Variants in SHISA9 observed in about 807,000 individuals in gnomAD.
The protein encoded by SHISA9 is protein shisa-9.
A neutral mutation model predicts 38.0 loss-of-function variants in SHISA9; 13 were observed. The observed-to-expected ratio is 0.34, with a 90% confidence interval of 0.22 to 0.54. The LOEUF is 0.54. Ranked by LOEUF, SHISA9 falls within the 20% of genes least tolerant of loss-of-function variation. SHISA9 has a pLI of 0.91. For missense variants in SHISA9, 538 were observed against 575.8 expected (o/e 0.93, Z 0.67); for synonymous variants, 275 against 242.0 (o/e 1.14, Z -1.27).
intron 2 of SHISA9, among the ~76,000 whole-genome samples, chr16:12,938,893 A>G (rs1021694420): frequency 9.9e-5 from 15 of 152,146 alleles, no homozygotes; most frequent in Non-Finnish European, 2.1e-4. Flanking sequence ...ACTAGATTGA[A>G]AACACATTGA....
intron 2 of SHISA9, among the ~76,000 whole-genome samples, chr16:13,043,910 A>G (rs1310060502): frequency 6.6e-6 from 1 of 152,002 alleles, no homozygotes; most frequent in African/African-American, 2.4e-5. Flanking sequence ...GCTTCACTTT[A>G]TTATGCTTCT....
the SHISA9 span, among the ~76,000 whole-genome samples, chr16:13,518,637 T>C: frequency 2.0e-5 from 3 of 152,084 alleles, no homozygotes; most frequent in African/African-American, 7.2e-5. Context: ...TTCCTCTCTC[T>C]CCCCAGGATG....
At chr16:13,484,815 C>T in the SHISA9 span, among the ~76,000 whole-genome samples, 4 of 151,996 alleles carry the variant, frequency 2.6e-5, no homozygotes, top group African/African-American at 7.3e-5. Flanking sequence ...ACCAGATCTC[C>T]GGAGAACTCA....
At chr16:13,168,493 C>T (rs1217080628) in intron 2 of SHISA9, among the ~76,000 whole-genome samples, 2 of 152,168 alleles carry the variant, frequency 1.3e-5, no homozygotes, top group African/African-American at 4.8e-5. Flanking sequence ...TCCATGTCTA[C>T]CAGCAAGGGA....
chr16:13,386,738 G>A, the SHISA9 span, among the ~76,000 whole-genome samples: 1 of 152,116 alleles, frequency 6.6e-6, no homozygotes, highest in Admixed American at 6.5e-5. Flanking sequence ...GCAGCAATAT[G>A]TTTTAGATTC....
At chr16:13,021,335 T>C (rs529367864) in intron 2 of SHISA9, among the ~76,000 whole-genome samples, 1 of 152,226 alleles carries the variant, frequency 6.6e-6, no homozygotes, top group South Asian at 2.1e-4. Flanking sequence ...CCAATACTCA[T>C]GAACAGTGAG....
intron 2 of SHISA9, among the ~76,000 whole-genome samples, chr16:12,939,769 C>T (rs1398438282): frequency 1.3e-5 from 2 of 152,218 alleles, no homozygotes; most frequent in African/African-American, 4.8e-5. Context: ...TGTGATTCAG[C>T]ATCTGGCATA....
chr16:13,156,810 T>C (rs74012292), intron 2 of SHISA9, among the ~76,000 whole-genome samples: 15 of 152,232 alleles, frequency 9.9e-5, no homozygotes, highest in African/African-American at 3.4e-4. Context: ...CGGGATTACA[T>C]TGTTACACCA....
intron 2 of SHISA9, among the ~76,000 whole-genome samples, chr16:13,117,137 G>A (rs757986465): frequency 3.3e-5 from 5 of 152,116 alleles, no homozygotes; most frequent in African/African-American, 4.8e-5. Flanking sequence ...CACCACGCCC[G>A]GCTAATTTTT....
chr16:13,330,170 C>T, the SHISA9 span, among the ~76,000 whole-genome samples: 2 of 152,292 alleles, frequency 1.3e-5, no homozygotes, highest in South Asian at 4.1e-4. Context: ...GCAAGTTCAT[C>T]GACTTTCTGT....
chr16:13,120,651 C>T (rs1374258152), intron 2 of SHISA9, among the ~76,000 whole-genome samples: 2 of 151,992 alleles, frequency 1.3e-5, no homozygotes, highest in African/African-American at 4.8e-5. Flanking sequence ...GAGAAATAGC[C>T]CTGGAAGGTT....
intron 2 of SHISA9, among the ~76,000 whole-genome samples, chr16:13,027,940 A>AAC (rs2072944878): frequency 1.3e-5 from 2 of 151,034 alleles, no homozygotes; most frequent in African/African-American, 4.8e-5. Flanking sequence ...AAACAAAAAA[A>AAC]AAAAAAAAAA....
chr16:13,525,354 C>T, the SHISA9 span, among the ~76,000 whole-genome samples: 3 of 151,978 alleles, frequency 2.0e-5, no homozygotes, highest in African/African-American at 7.3e-5. Flanking sequence ...GACTTTCTGT[C>T]GAAGAGTCCG....
chr16:13,112,750 C>T (rs1246223616), intron 2 of SHISA9, among the ~76,000 whole-genome samples: 3 of 152,134 alleles, frequency 2.0e-5, no homozygotes, highest in African/African-American at 7.2e-5. Context: ...CTTGGCATTG[C>T]CTTTCAGAGG....
At chr16:13,524,584 A>G in the SHISA9 span, among the ~76,000 whole-genome samples, 1 of 152,158 alleles carries the variant, frequency 6.6e-6, no homozygotes, top group South Asian at 2.1e-4. Context: ...TTTTCGAAAC[A>G]GTCTTGCTTT....
the SHISA9 span, among the ~76,000 whole-genome samples, chr16:13,358,426 G>A: frequency 2.6e-5 from 4 of 152,008 alleles, no homozygotes; most frequent in Non-Finnish European, 5.9e-5. Flanking sequence ...TGTTCCCTTC[G>A]CTGTGTCCAC....
the SHISA9 span, among the ~76,000 whole-genome samples, chr16:13,497,448 G>A: frequency 6.6e-6 from 1 of 152,112 alleles, no homozygotes; most frequent in Non-Finnish European, 1.5e-5. Flanking sequence ...CACTTTGGGA[G>A]GCCGAGGCAG....
the SHISA9 span, among the ~76,000 whole-genome samples, chr16:13,268,552 A>G: frequency 6.6e-6 from 1 of 152,118 alleles, no homozygotes; most frequent in Non-Finnish European, 1.5e-5. Flanking sequence ...TGAGAAATTC[A>G]TGTTGTACAA....
At chr16:13,461,579 CAA>C in the SHISA9 span, among the ~76,000 whole-genome samples, 2 of 126,140 alleles carry the variant, frequency 1.6e-5, no homozygotes, top group Admixed American at 8.3e-5. Flanking sequence ...AACTCCCTCT[CAA>C]AAAAAAAAAA....
Sources: gnomAD v4.1 joint callset for allele counts (sites outside exome capture counted in the v4.1 genomes callset) on GRCh38, gnomAD v4.1.1 for gene constraint, MANE v1.5 for transcripts, NCBI Gene and HGNC (gene_info 2026-07-23, HGNC 2026-07-21) for gene names.